The following EYA3 variants were observed in gnomAD, a reference collection of about 807,000 sequenced individuals.
The protein encoded by EYA3 is protein phosphatase EYA3.
EYA3 carries 39 observed loss-of-function variants against 80.0 expected under a neutral mutation model. The ratio of observed to expected loss-of-function variants is 0.49; its 90% CI spans 0.38 to 0.64. The LOEUF is 0.64. Ranked by LOEUF, EYA3 falls within the 30% of genes least tolerant of loss-of-function variation. EYA3 has a pLI of 0.00. For missense variants in EYA3, 523 were observed against 676.1 expected (o/e 0.77, Z 2.51); for synonymous variants, 206 against 232.8 (o/e 0.88, Z 1.05).
At chr1:28,038,053 C>T (rs1040128784) in intron 5 of EYA3, among the ~76,000 whole-genome samples, 1 of 149,524 alleles carries the variant, frequency 6.7e-6, no homozygotes, top group Non-Finnish European at 1.5e-5. Context: ...CTGATCTTAC[C>T]CCATGAAGGC....
chr1:28,046,645 CTAGGAACAGT>C (rs1644015354), intron 3 of EYA3, among the ~76,000 whole-genome samples: 1 of 152,086 alleles, frequency 6.6e-6, no homozygotes, highest in Non-Finnish European at 1.5e-5. Context: ...TGAATAGAAA[CTAGGAACAGT>C]TAGCACAATT....
At chr1:28,080,766 T>C (rs1252932897) in intron 1 of EYA3, among the ~76,000 whole-genome samples, 1 of 152,158 alleles carries the variant, frequency 6.6e-6, no homozygotes, top group Admixed American at 6.5e-5. Flanking sequence ...TTTGTTTGTT[T>C]TGAGACGGAG....
At chr1:28,024,502 C>A (rs1279987837) in intron 7 of EYA3, among the ~76,000 whole-genome samples, 1 of 151,786 alleles carries the variant, frequency 6.6e-6, no homozygotes, top group Non-Finnish European at 1.5e-5. Context: ...ACTAAAAATA[C>A]AAAAATTAGC....
intron 13 of EYA3, among the ~76,000 whole-genome samples, 173 bp from the exon 14 acceptor site, chr1:27,993,733 T>G (rs1462270635): frequency 6.6e-6 from 1 of 152,188 alleles, no homozygotes; most frequent in Admixed American, 6.5e-5. Flanking sequence ...TATCTCACAC[T>G]TATTACTTCT....
At chr1:28,047,005 C>G (rs1197583290) in intron 3 of EYA3, among the ~76,000 whole-genome samples, 2 of 151,768 alleles carry the variant, frequency 1.3e-5, no homozygotes, top group African/African-American at 4.8e-5. Flanking sequence ...ACCACCATTC[C>G]TGGATAATTG....
Position 28,000,058 on chromosome 1 carries a change from C to T in EYA3, c.994-9G>A, listed in dbSNP as rs375368234. On this transcript the variant is annotated splice_polypyrimidine_tract_variant and intron_variant, in intron 11 of 17. Transcript: ENST00000373871. The stretch of plus-strand genomic sequence containing the variant: ...ATCACTACTGTTGGGTCCTAGAAGA[C>T]AATAAGAAAAAATCAGCTTGACTTG... 3,108 of 1,578,884 alleles carry T rather than the reference C, an allele frequency of 2.0e-3. 83 individuals carry two copies. In the South Asian group the frequency reaches 0.034, roughly 17 times the overall value.
At chr1:28,016,480 G>A (rs1642074300) in intron 8 of EYA3, among the ~76,000 whole-genome samples, 1 of 146,030 alleles carries the variant, frequency 6.8e-6, no homozygotes, top group Non-Finnish European at 1.5e-5. Context: ...AGTGAGCCAA[G>A]ATCGCACCAC....
intron 12 of EYA3, among the ~76,000 whole-genome samples, chr1:27,998,037 T>C (rs914424338): frequency 6.6e-6 from 1 of 152,198 alleles, no homozygotes; most frequent in African/African-American, 2.4e-5. Context: ...CCAAGGTTCT[T>C]TCCACCAAGC....
chr1:28,060,810 TCAAGAC>T (rs1296241361), intron 1 of EYA3, among the ~76,000 whole-genome samples: 2 of 151,084 alleles, frequency 1.3e-5, no homozygotes, highest in Non-Finnish European at 2.9e-5. Flanking sequence ...GGTCAGGAGA[TCAAGAC>T]CATCTTGGCC....
At chr1:27,984,713 C>T (rs12040932) in intron 16 of EYA3, among the ~76,000 whole-genome samples, 53,898 of 152,006 alleles carry the variant, frequency 0.35, 10,262 homozygotes, top group Middle Eastern at 0.46. Flanking sequence ...TTTTCCTCAT[C>T]TAGTGGATCG....
chr1:28,055,309 C>G (rs1450605237), intron 2 of EYA3, among the ~76,000 whole-genome samples: 1 of 152,064 alleles, frequency 6.6e-6, no homozygotes, highest in Non-Finnish European at 1.5e-5. Flanking sequence ...AGGATCCCCT[C>G]ATCTGTGGAT....
chr1:28,062,744 T>C (rs1644680603), intron 1 of EYA3, among the ~76,000 whole-genome samples: 2 of 151,602 alleles, frequency 1.3e-5, no homozygotes, highest in East Asian at 3.9e-4. Flanking sequence ...CTCACACCTG[T>C]AATCCCAGCA....
intron 1 of EYA3, among the ~76,000 whole-genome samples, chr1:28,066,599 A>G (rs1327839753): frequency 2.0e-5 from 3 of 151,872 alleles, no homozygotes; most frequent in Non-Finnish European, 2.9e-5. Context: ...AACTTTGGAG[A>G]AAACAGAACA....
chr1:27,994,903 T>C (rs1046563310), intron 13 of EYA3, among the ~76,000 whole-genome samples: 4 of 151,518 alleles, frequency 2.6e-5, no homozygotes, highest in African/African-American at 7.3e-5. Flanking sequence ...CAGGAGGCTA[T>C]TGGGAACTAT....
At chr1:28,060,950 G>A (rs1226572108) in intron 1 of EYA3, among the ~76,000 whole-genome samples, 2 of 152,166 alleles carry the variant, frequency 1.3e-5, no homozygotes, top group African/African-American at 4.8e-5. Context: ...GGAGGCGGAG[G>A]TTTCAGTGAG....
intron 1 of EYA3, among the ~76,000 whole-genome samples, chr1:28,084,583 ATATATATATATATTTTTTTTTTT>A (rs1288089126): frequency 1.2e-4 from 2 of 17,292 alleles, no homozygotes; most frequent in East Asian, 2.1e-3. Flanking sequence ...ATATATATAT[ATATATATATATATTTTTTTTTTT>A]TTTTTTTTTT....
chr1:27,977,137 C>T, intron 17 of EYA3: 13 of 1,413,934 alleles, frequency 9.2e-6, no homozygotes, highest in Non-Finnish European at 1.2e-5. Flanking sequence ...ATGCCTACAC[C>T]CACTAGTGTC....
At chr1:28,034,830 T>C (rs942016321) in intron 6 of EYA3, among the ~76,000 whole-genome samples, 1 of 152,136 alleles carries the variant, frequency 6.6e-6, no homozygotes, top group South Asian at 2.1e-4. Flanking sequence ...TTAAATAATA[T>C]AGTATTCTTT....
chr1:27,976,658 T>G (rs1365855462), intron 17 of EYA3, among the ~76,000 whole-genome samples: 1 of 152,200 alleles, frequency 6.6e-6, no homozygotes, highest in Non-Finnish European at 1.5e-5. Context: ...GCAGAAAATA[T>G]CCTTCACAGA....
Sources: allele counts gnomAD v4.1 joint callset (sites outside exome capture counted in the v4.1 genomes callset), GRCh38; gene constraint gnomAD v4.1.1; transcripts MANE v1.5; gene names NCBI Gene and HGNC (gene_info 2026-07-23, HGNC 2026-07-21).